Variants in NINL observed in about 807,000 individuals in gnomAD.
The protein encoded by NINL is ninein-like protein.
NINL carries 153 observed loss-of-function variants against 160.3 expected under a neutral mutation model. That is an observed-to-expected ratio of 0.95 (90% CI 0.84 to 1.09). The LOEUF is 1.09. NINL is among the 50% of genes least tolerant of loss of function. NINL has a pLI of 0.00. For missense variants in NINL, 1,829 were observed against 1,764.0 expected (o/e 1.04, Z -0.66); for synonymous variants, 800 against 734.8 (o/e 1.09, Z -1.43).
At chr20:25,564,849 T>C (rs1458651683) in intron 1 of NINL, among the ~76,000 whole-genome samples, 1 of 149,302 alleles carries the variant, frequency 6.7e-6, no homozygotes, top group Admixed American at 6.7e-5. Flanking sequence ...CTTATATCCA[T>C]CAGAGAACGA....
chr20:25,499,407 C>T lies in NINL; in HGVS notation c.1033-1061G>A, dbSNP rs570369592. Among the ~76,000 whole-genome samples, 29 of 152,272 alleles carry T rather than the reference C, an allele frequency of 1.9e-4. No individual in the cohort carries two copies. In the South Asian group the frequency reaches 3.7e-3, roughly 20 times the overall value. Reference sequence around the variant, plus strand: ...TGCAGAGCAGCACCAGCAGCTCTAGCGCAAATGGGAAAGAGAATAAGTTCT... The same window carrying T: ...TGCAGAGCAGCACCAGCAGCTCTAGTGCAAATGGGAAAGAGAATAAGTTCT... On this transcript the variant is annotated intron_variant, in intron 8 of 23. Coordinates refer to ENST00000278886, the MANE Select transcript of NINL (RefSeq NM_025176.6).
At chr20:25,548,289 G>C (rs2064759971) in intron 1 of NINL, among the ~76,000 whole-genome samples, 1 of 152,180 alleles carries the variant, frequency 6.6e-6, no homozygotes, top group Non-Finnish European at 1.5e-5. Context: ...GCACCTTTGT[G>C]CTCCAAAATT....
intron 17 of NINL, among the ~76,000 whole-genome samples, chr20:25,474,500 T>A (rs988344378): frequency 2.6e-5 from 4 of 152,208 alleles, no homozygotes; most frequent in Admixed American, 2.6e-4. Flanking sequence ...GGCCATTTAA[T>A]GGCTAGATGT....
rs1375912492 is a variant in NINL, at chr20:25,480,260, T to C, written c.1818A>G (p.Ser606=). The change falls in exon 15 of 24, where the codon TCA becomes TCG. Residue 606 remains serine (S), a synonymous_variant. Coordinates refer to ENST00000278886, the MANE Select transcript of NINL (RefSeq NM_025176.6). ...TCACTGGAGCAGAATTACCCAGGAA[T>C]GAAATGCCTGCAAACAAGAGGCCAC... ...QLPGLGPAGI[S]FLGNSAPVSI... 6.2e-7 allele frequency: 1 copy of C among 1,613,792 alleles called. No homozygotes were observed. Among genetic ancestry groups the C allele is most frequent in the Non-Finnish European group, 8.5e-7 (1 of 1,179,776 alleles).
chr20:25,583,853 T>C (rs2065199552), intron 1 of NINL, among the ~76,000 whole-genome samples: 1 of 152,150 alleles, frequency 6.6e-6, no homozygotes, highest in Non-Finnish European at 1.5e-5. Flanking sequence ...AAGCCATCAT[T>C]CTCAGCAAAC....
At chr20:25,530,062 C>A (rs1256815851) in intron 1 of NINL, among the ~76,000 whole-genome samples, 1 of 152,138 alleles carries the variant, frequency 6.6e-6, no homozygotes, top group Non-Finnish European at 1.5e-5. Context: ...AATTCCTCTA[C>A]TTTTTTTCTC....
chr20:25,513,424 C>T, intron 3 of NINL, among the ~76,000 whole-genome samples: 1 of 152,214 alleles, frequency 6.6e-6, no homozygotes, highest in East Asian at 1.9e-4. Context: ...AAGTGACATT[C>T]CAGGCAGCTG....
At chr20:25,490,991 G>C (rs2063619346) in intron 11 of NINL, among the ~76,000 whole-genome samples, 1 of 152,248 alleles carries the variant, frequency 6.6e-6, no homozygotes. Flanking sequence ...GCCTCGGGCA[G>C]GCTGGGCTTT....
intron 17 of NINL, among the ~76,000 whole-genome samples, chr20:25,475,126 G>A (rs1432512944): frequency 6.6e-6 from 1 of 151,368 alleles, no homozygotes; most frequent in Non-Finnish European, 1.5e-5. Flanking sequence ...GTGCACGCCT[G>A]TAATCCCAGC....
chr20:25,495,681 T>C (rs896765500), intron 10 of NINL, among the ~76,000 whole-genome samples: 2 of 152,182 alleles, frequency 1.3e-5, no homozygotes, highest in African/African-American at 4.8e-5. Flanking sequence ...CCTCCAGGCA[T>C]GCGCAAACTT....
In NINL at chr20:25,496,743, G is replaced by C; in HGVS notation, c.1230C>G (p.Ala410=). 1 of 1,613,960 alleles carries C rather than the reference G, an allele frequency of 6.2e-7. No homozygotes were observed. Among genetic ancestry groups the C allele is most frequent in the Non-Finnish European group, 8.5e-7 (1 of 1,180,000 alleles). Residue 410 remains alanine, a synonymous_variant, in exon 10 of 24, where the codon GCC becomes GCG. Transcript: ENST00000278886. The stretch of plus-strand genomic sequence containing the variant: ...TCACAAACTCCAGGTTCCTCTTCTC[G>C]GCCCTCTCCAGGTCCTGCCTTGCCT... ...RDKARQDLER[A]EKRNLEFVKE... is the part of the protein sequence containing the mutation.
At chr20:25,479,818 C>A (rs866291276) in intron 15 of NINL, among the ~76,000 whole-genome samples, 11 of 152,326 alleles carry the variant, frequency 7.2e-5, no homozygotes, top group Middle Eastern at 3.4e-3. Flanking sequence ...AATGCCAGGT[C>A]GCTCAGGCTT....
chr20:25,511,033 T>G (rs1360098337), intron 4 of NINL, among the ~76,000 whole-genome samples: 1 of 152,158 alleles, frequency 6.6e-6, no homozygotes, highest in Non-Finnish European at 1.5e-5. Context: ...CAGTTGACAC[T>G]GAAAATACAA....
At chr20:25,500,222 C>G (rs569662968) in intron 8 of NINL, among the ~76,000 whole-genome samples, 1 of 152,214 alleles carries the variant, frequency 6.6e-6, no homozygotes, top group African/African-American at 2.4e-5. Context: ...CAGGGCAGAG[C>G]TCCTTCCAAA....
In NINL at chr20:25,480,205, CCT is replaced by C; in HGVS notation, c.1871_1872del (p.Gln624ArgfsTer31). 4.3e-6 allele frequency: 7 copies of C among 1,614,116 alleles called. No homozygotes were observed. The highest frequency in any genetic ancestry group is 5.9e-6 in the Non-Finnish European group (7 of 1,180,024). ...VSIETELMMEQVKEHYQDLRT... is the reference protein window; with the variant it reads ...VSIETELMMEXVKEHYQDLRT... Reference sequence around the variant, plus strand: ...CTGAGGTCTTGGTAATGCTCCTTTACCTGCTCCATCATCAGCTCCGTTTCTAT... The same window carrying C: ...CTGAGGTCTTGGTAATGCTCCTTTACGCTCCATCATCAGCTCCGTTTCTAT... On this transcript the variant is annotated frameshift_variant, in exon 15 of 24. Transcript: ENST00000278886. LOFTEE classifies it high-confidence loss of function.
At chr20:25,517,322 C>T (rs1251240968) in intron 3 of NINL, among the ~76,000 whole-genome samples, 1 of 152,194 alleles carries the variant, frequency 6.6e-6, no homozygotes, top group East Asian at 1.9e-4. Context: ...AGAAGCAGGC[C>T]ACCACTACCT....
intron 1 of NINL, among the ~76,000 whole-genome samples, chr20:25,563,525 A>C (rs887732180): frequency 7.9e-5 from 12 of 152,234 alleles, no homozygotes; most frequent in African/African-American, 2.7e-4. Flanking sequence ...TAACAAAATG[A>C]TACATCTATA....
Position 25,517,731 on chromosome 20 carries a change from AAC to A in NINL, c.277+20_277+21del. 2 of 1,522,796 alleles carry A rather than the reference AAC, an allele frequency of 1.3e-6. No individual in the cohort carries two copies. The highest frequency in any genetic ancestry group is 2.1e-5 in the Admixed American group (1 of 48,070). 94.3% of individuals were successfully genotyped at this position (1,522,796 alleles called of 1,614,324 possible). A position where few individuals can be genotyped will look rare whatever the true frequency, so the allele number is the denominator to read the frequency against. ...GTTAACAAACAAATAATGAAAAGAAAACACAGAGGAAATCCTCTTACCTGATT... is the reference window on the plus strand; with the variant it reads ...GTTAACAAACAAATAATGAAAAGAAAACAGAGGAAATCCTCTTACCTGATT... On this transcript the variant is annotated intron_variant, in intron 3 of 23. Coordinates refer to ENST00000278886, the MANE Select transcript of NINL (RefSeq NM_025176.6).
intron 2 of NINL, among the ~76,000 whole-genome samples, chr20:25,525,414 G>A (rs908146065): frequency 6.6e-6 from 1 of 152,228 alleles, no homozygotes; most frequent in Non-Finnish European, 1.5e-5. Flanking sequence ...CACTTTGGGA[G>A]GCCAAGGCAC....
Sources: allele counts gnomAD v4.1 joint callset (sites outside exome capture counted in the v4.1 genomes callset), GRCh38; gene constraint gnomAD v4.1.1; transcripts MANE v1.5; gene names NCBI Gene and HGNC (gene_info 2026-07-23, HGNC 2026-07-21).